The following TSC1 variants were observed in gnomAD, a reference collection of about 807,000 sequenced individuals.
TSC1 encodes the protein TSC complex subunit 1.
In TSC1, 20 loss-of-function variants were observed where a neutral mutation model predicts 124.3. That is an observed-to-expected ratio of 0.16 (90% CI 0.11 to 0.23). TSC1 has a LOEUF of 0.23. TSC1 is among the 10% of genes least tolerant of loss of function. TSC1 has a pLI of 1.00. For synonymous variants in TSC1, 493 were observed against 539.1 expected, an observed-to-expected ratio of 0.91 and a Z score of 1.19; for missense variants, 1,124 against 1,448.5, an observed-to-expected ratio of 0.78 and a Z score of 3.64.
Position 132,923,257 on chromosome 9 carries a change from A to G in TSC1, c.508+91T>C. 5 of 1,535,106 alleles carry G rather than the reference A, an allele frequency of 3.3e-6. No individual in the cohort carries two copies. The South Asian group carries it at 6.4e-5, about 20-fold the overall frequency. ...CCACTCATTTCAGCTATAAAAGTCT[A>G]CATGTCCATTCCTTACAGCATATGA... On this transcript the variant is annotated intron_variant, in intron 6 of 22. Transcript: ENST00000298552. The surrounding 1 kb of genome is among the most constrained non-coding windows in gnomAD (Gnocchi z 4.2).
At chr9:132,916,436 TA>T (rs35520446) in intron 8 of TSC1, among the ~76,000 whole-genome samples, 22,825 of 152,188 alleles carry the variant, frequency 0.15, 1,829 homozygotes, top group African/African-American at 0.21. Flanking sequence ...AACTTACTAT[TA>T]ATGGGAAGTG....
At position 132,903,509 on chromosome 9, in the gene TSC1, G is replaced by T; in HGVS notation, c.2208+142C>A. 2 of 1,155,376 alleles carry T rather than the reference G, an allele frequency of 1.7e-6. No homozygotes were observed. The highest frequency in any genetic ancestry group is 2.6e-6 in the Non-Finnish European group (2 of 783,226). 71.6% of individuals were successfully genotyped at this position (1,155,376 alleles called of 1,614,324 possible). On this transcript the variant is annotated intron_variant, in intron 17 of 22. Coordinates refer to ENST00000298552, the MANE Select transcript of TSC1 (RefSeq NM_000368.5). The surrounding 1 kb of genome is among the most constrained non-coding windows in gnomAD (Gnocchi z 5.9). ...GGAATTCCGAGGTGTCACCATTCAT[G>T]TCTTAATCTCAAGCGACCTGCCCAA... is the stretch of plus-strand genomic sequence containing the variant.
chr9:132,900,841 A>G lies in TSC1; in HGVS notation c.2503-4T>C, dbSNP rs772414581. On this transcript the variant is annotated splice_region_variant and splice_polypyrimidine_tract_variant and intron_variant, in intron 19 of 22. Transcript: ENST00000298552. ...GGACCGACTCACTGTTTGAGAGCTA[A>G]CCAAAAAACATGAGCAAAGTGAAAA... 6.2e-7 allele frequency: 1 copy of G among 1,614,086 alleles called. No homozygotes were observed.
Position 132,923,309 on chromosome 9 carries a change from A to C in TSC1, c.508+39T>G. 1 of 1,608,710 alleles carries C rather than the reference A, an allele frequency of 6.2e-7. No individual in the cohort carries two copies. Among genetic ancestry groups the C allele is most frequent in the Non-Finnish European group, 8.5e-7 (1 of 1,176,366 alleles). ...CAATTAATCAATAATGAAAGCATTC[A>C]CCTCACAGGGCCCAACAGGTATATG... On this transcript the variant is annotated intron_variant, in intron 6 of 22. Transcript: ENST00000298552. The surrounding 1 kb of genome is among the most constrained non-coding windows in gnomAD (Gnocchi z 4.2).
At position 132,902,524 on chromosome 9, in the gene TSC1, A is replaced by G; in HGVS notation, c.2391+81T>C. 1 of 1,529,260 alleles carries G rather than the reference A, an allele frequency of 6.5e-7. No homozygotes were observed. The allele number at this position is 1,529,260 out of a possible 1,614,324, so 94.7% of individuals were successfully genotyped here. A position where few individuals can be genotyped will look rare whatever the true frequency, so the allele number is the denominator to read the frequency against. On this transcript the variant is annotated intron_variant, in intron 18 of 22. Coordinates refer to ENST00000298552, the MANE Select transcript of TSC1 (RefSeq NM_000368.5). The surrounding 1 kb of genome is among the most constrained non-coding windows in gnomAD (Gnocchi z 5.2). ...TAGTAAAGCTGAACAAGTCAAGGAC[A>G]CCCAGGGAAACTGACTGCCTCCCTC...
rs1484756238 is a variant in TSC1 at position 132,896,032 on chromosome 9, G to A, written c.*203C>T. The stretch of plus-strand genomic sequence containing the variant: ...AGGTAAATGAGAGGGGGTTAGGGCG[G>A]GTGGAGGGGAAGGTCAAGAGGCATT... On this transcript the variant is annotated 3_prime_UTR_variant, in exon 23 of 23. Coordinates refer to ENST00000298552, the MANE Select transcript of TSC1 (RefSeq NM_000368.5). The surrounding 1 kb of genome is among the most constrained non-coding windows in gnomAD (Gnocchi z 4.5). The A allele has an allele frequency of 1.6e-5, 11 of 692,604 alleles. No individual in the cohort carries two copies. The highest frequency in any genetic ancestry group is 2.8e-5 in the Non-Finnish European group (11 of 396,684). The allele number at this position is 692,604 out of a possible 1,614,324, so 42.9% of individuals were successfully genotyped here. A position where few individuals can be genotyped will look rare whatever the true frequency, so the allele number is the denominator to read the frequency against.
chr9:132,907,021 AC>A lies in TSC1; in HGVS notation c.1334-187del, dbSNP rs1159388437. Among the ~76,000 whole-genome samples the A allele has an allele frequency of 6.6e-5, 10 of 152,362 alleles. No individual in the cohort carries two copies. In the South Asian group the frequency reaches 1.9e-3, roughly 28 times the overall value. On this transcript the variant is annotated intron_variant, in intron 13 of 22. Transcript: ENST00000298552. The stretch of plus-strand genomic sequence containing the variant: ...TATTAAAAATAATATAACTAAAAGT[AC>A]CAAAAATAATCCCATAGCAAATAAA...
intron 1 of TSC1, among the ~76,000 whole-genome samples, chr9:132,942,843 A>C (rs1847810741): frequency 6.6e-6 from 1 of 152,232 alleles, no homozygotes; most frequent in African/African-American, 2.4e-5. Flanking sequence ...AGGTGGTTAG[A>C]GGAAGATTCT....
At chr9:132,926,290 C>G in intron 4 of TSC1, 1 of 182,858 alleles carries the variant, frequency 5.5e-6, no homozygotes, top group Admixed American at 5.4e-5. Flanking sequence ...ATTGTGCCAC[C>G]ACGCTCCAGT....
rs770834438 is a variant in TSC1 at position 132,897,226 on chromosome 9, A to G, written c.2933T>C (p.Leu978Pro). The G allele has an allele frequency of 6.2e-7, 1 of 1,614,000 alleles. No individual in the cohort carries two copies. The highest frequency in any genetic ancestry group is 8.5e-7 in the Non-Finnish European group (1 of 1,179,984). Residue 978 changes from leucine to proline, a missense_variant, in exon 22 of 23, where the codon CTT (leucine) becomes CCT (proline). Transcript: ENST00000298552. ...RLEKDGLLKK[L>P]EEEKAEAAEA... ...AGCTGCTTCTGCTTTTTCTTCTTCA[A>G]GTTTTTTCAGGAGGCCATCTTTCTC...
chr9:132,894,841 T>A lies in TSC1; in HGVS notation c.*1394A>T. The A allele has an allele frequency of 4.3e-6, 1 of 232,158 alleles. No individual in the cohort carries two copies. The highest frequency in any genetic ancestry group is 6.1e-5 in the East Asian group (1 of 16,446). The allele number at this position is 232,158 out of a possible 1,614,324, so 14.4% of individuals were successfully genotyped here. A position where few individuals can be genotyped will look rare whatever the true frequency, so the allele number is the denominator to read the frequency against. On this transcript the variant is annotated 3_prime_UTR_variant, in exon 23 of 23. Transcript: ENST00000298552. ...GAAAGATAGAAACAGGAAAGCCAAG[T>A]TCACTGGCTCCTTCCTACCAAATCC...
In TSC1 at chr9:132,896,938, GT is replaced by G. The variant is rs1564471075; in HGVS notation, c.2976-185del. On this transcript the variant is annotated intron_variant, in intron 22 of 22. Coordinates refer to ENST00000298552, the MANE Select transcript of TSC1 (RefSeq NM_000368.5). The surrounding 1 kb of genome is among the most constrained non-coding windows in gnomAD (Gnocchi z 4.5). ...CCTAAATCACAACTAGGGATAGTAG[GT>G]GGCAATCTTAAGTGTGAACACTTCC... is the stretch of plus-strand genomic sequence containing the variant. 6.6e-6 allele frequency among the ~76,000 whole-genome samples: 1 copy of G among 152,218 alleles called. No homozygotes were observed. The highest frequency in any genetic ancestry group is 1.5e-5 in the Non-Finnish European group (1 of 68,038).
In TSC1 at chr9:132,905,508, CCT is replaced by C. The variant is rs118203612; in HGVS notation, c.1997+71_1997+72del. 651 of 1,601,050 alleles carry C rather than the reference CCT, an allele frequency of 4.1e-4. 4 individuals are homozygous for C. The East Asian group carries it at 0.013, about 31-fold the overall frequency. On this transcript the variant is annotated intron_variant, in intron 15 of 22. Coordinates refer to ENST00000298552, the MANE Select transcript of TSC1 (RefSeq NM_000368.5). The stretch of plus-strand genomic sequence containing the variant: ...GGGAGTGTGAAGAATGATTCTTGTT[CCT>C]CTCTTACACTTTCTGTACTTCACAA...
At chr9:132,930,903 GA>G (rs1292559693) in intron 2 of TSC1, among the ~76,000 whole-genome samples, 1 of 152,116 alleles carries the variant, frequency 6.6e-6, no homozygotes, top group Non-Finnish European at 1.5e-5. Flanking sequence ...CAAAATGTGA[GA>G]CCACCGTTGG....
intron 20 of TSC1, 69 bp from the exon 21 acceptor site, chr9:132,897,679 A>C: frequency 6.4e-7 from 1 of 1,555,056 alleles, no homozygotes; most frequent in Non-Finnish European, 8.6e-7. Flanking sequence ...ATCCATTTTG[A>C]AAAGACAATG....
chr9:132,910,804 T>C (rs1188046374), intron 11 of TSC1, 112 bp from the exon 12 acceptor site: 1 of 1,509,324 alleles, frequency 6.6e-7, no homozygotes, highest in Non-Finnish European at 9.2e-7. Flanking sequence ...AGAGTTAACT[T>C]TCTGGGGATC....
chr9:132,894,693 T>TAAAAA lies in TSC1; in HGVS notation c.*1537_*1541dup, dbSNP rs748099884. 1 of 109,062 alleles carries TAAAAA rather than the reference T, an allele frequency of 9.2e-6. No homozygotes were observed. Among genetic ancestry groups the TAAAAA allele is most frequent in the African/African-American group, 4.0e-5 (1 of 25,182 alleles). 6.8% of individuals were successfully genotyped at this position (109,062 alleles called of 1,614,324 possible). Reference sequence around the variant, plus strand: ...GATGCTAGAATATTTATTGCCATGCTAAAAAAAAAAAAAAAAAAAAAAGAC... The same window carrying TAAAAA: ...GATGCTAGAATATTTATTGCCATGCTAAAAAAAAAAAAAAAAAAAAAAAAAAAGAC... On this transcript the variant is annotated 3_prime_UTR_variant, in exon 23 of 23. Transcript: ENST00000298552.
At chr9:132,917,269 A>C (rs1846310935) in intron 8 of TSC1, among the ~76,000 whole-genome samples, 4 of 151,980 alleles carry the variant, frequency 2.6e-5, no homozygotes, top group Admixed American at 2.6e-4. Context: ...CATATCCTTC[A>C]ATCCTAGGAT....
rs1845906327 is a variant in TSC1 at position 132,910,675 on chromosome 9, G to A, written c.1159C>T (p.Pro387Ser). ...GGAGAGGTTGCTGGGGTTCCCAGAG[G>A]AGTTCCTTTTCCACCTGCTTAGAGA... ...FGTTAGGKGT[P>S]LGTPATSPPP... Residue 387 changes from proline (P) to serine (S), a missense_variant, in exon 12 of 23, where the codon CCT becomes TCT. Coordinates refer to ENST00000298552, the MANE Select transcript of TSC1 (RefSeq NM_000368.5). 6.2e-7 allele frequency: 1 copy of A among 1,613,818 alleles called. No homozygotes were observed. Among genetic ancestry groups the A allele is most frequent in the Non-Finnish European group, 8.5e-7 (1 of 1,180,054 alleles).
Sources: allele counts gnomAD v4.1 joint callset (sites outside exome capture counted in the v4.1 genomes callset), GRCh38; gene constraint gnomAD v4.1.1; non-coding constraint Gnocchi (gnomAD v3.1); transcripts MANE v1.5; gene names NCBI Gene and HGNC (gene_info 2026-07-23, HGNC 2026-07-21).